TEX15: variants seen among roughly 807,000 people sequenced by gnomAD.
The protein encoded by TEX15 is testis-expressed protein 15.
TEX15 carries 171 observed loss-of-function variants against 237.3 expected under a neutral mutation model. The observed-to-expected ratio is 0.72, with a 90% CI of 0.64 to 0.82. TEX15 has a LOEUF of 0.82. TEX15 is among the 40% of genes least tolerant of loss of function. The pLI, the probability that TEX15 is intolerant of heterozygous loss-of-function variation, is 0.00. For synonymous variants in TEX15, 1,338 were observed against 1,269.8 expected (o/e 1.05, Z -1.14); for missense variants, 3,750 against 3,646.5 (o/e 1.03, Z -0.73).
At position 30,843,232 on chromosome 8, in the gene TEX15, T is replaced by C; in HGVS notation, c.6935A>G (p.Gln2312Arg). The C allele has an allele frequency of 1.9e-6, 3 of 1,613,410 alleles. No homozygotes were observed. The highest frequency in any genetic ancestry group is 2.5e-6 in the Non-Finnish European group (3 of 1,179,648). Residue 2312 changes from glutamine (Q) to arginine (R), a missense_variant, in exon 8 of 11, where the codon CAG (glutamine) becomes CGG (arginine). Coordinates refer to ENST00000643185, the MANE Select transcript of TEX15 (RefSeq NM_001350162.2). ...RVNKCAFSKL[Q>R]KIYDTLSKDL... ...TTTAGACAAAGTATCATATATCTTCTGCAACTTAGAAAAGGCACATTTATT... is the reference window on the plus strand; with the variant it reads ...TTTAGACAAAGTATCATATATCTTCCGCAACTTAGAAAAGGCACATTTATT...
intron 1 of TEX15, among the ~76,000 whole-genome samples, chr8:30,910,359 AT>A (rs1244433384): frequency 1.3e-5 from 2 of 152,142 alleles, no homozygotes. Flanking sequence ...TAGGATTAAA[AT>A]TTCAAAAAGT....
At position 30,847,328 on chromosome 8, in the gene TEX15, TA is replaced by T; in HGVS notation, c.2838del (p.Ser947ValfsTer3). 1 of 1,613,946 alleles carries T rather than the reference TA, an allele frequency of 6.2e-7. No homozygotes were observed. The highest frequency in any genetic ancestry group is 1.1e-5 in the South Asian group (1 of 91,082). ...TALLESEEDT[I>X]SAVKQKDTEN... is the part of the protein sequence containing the mutation. ...TCAGTATCTTTTTGTTTCACGGCAC[TA>T]ATGGTATCTTCTTCACTCTCTAATA... On this transcript the variant is annotated frameshift_variant, in exon 8 of 11. Coordinates refer to ENST00000643185, the MANE Select transcript of TEX15 (RefSeq NM_001350162.2). LOFTEE classifies it high-confidence loss of function.
chr8:30,898,107 A>G (rs75087939), intron 2 of TEX15, among the ~76,000 whole-genome samples: 1,976 of 152,314 alleles, frequency 0.013, 47 homozygotes, highest in African/African-American at 0.045. Flanking sequence ...ATTAAGGTCA[A>G]TTATGTACGG....
chr8:30,860,965 A>G (rs779875852), intron 5 of TEX15, among the ~76,000 whole-genome samples: 3 of 152,124 alleles, frequency 2.0e-5, no homozygotes, highest in Non-Finnish European at 4.4e-5. Flanking sequence ...ATGATGGAAC[A>G]GGACAAGTGA....
At chr8:30,839,098 G>A (rs1585279037) in intron 9 of TEX15, among the ~76,000 whole-genome samples, 1 of 152,034 alleles carries the variant, frequency 6.6e-6, no homozygotes, top group Non-Finnish European at 1.5e-5. Flanking sequence ...TTACAGGCAT[G>A]AGCCACCACA....
In TEX15 at chr8:30,843,206, C is replaced by A. The variant is rs746350102; in HGVS notation, c.6961G>T (p.Asp2321Tyr). 16 of 1,613,266 alleles carry A rather than the reference C, an allele frequency of 9.9e-6. No individual in the cohort carries two copies. Among genetic ancestry groups the A allele is most frequent in the Non-Finnish European group, 1.4e-5 (16 of 1,179,598 alleles). Reference protein sequence around the residue: ...LQKIYDTLSKDLNNEPISPIG... With the variant: ...LQKIYDTLSKYLNNEPISPIG... ...GGGGAAATTGGTTCATTGTTTAAATCTTTAGACAAAGTATCATATATCTTC... is the reference window on the plus strand; with the variant it reads ...GGGGAAATTGGTTCATTGTTTAAATATTTAGACAAAGTATCATATATCTTC... The change falls in exon 8 of 11, where the codon GAT (aspartate) becomes TAT (tyrosine). Residue 2321 changes from aspartate to tyrosine, a missense_variant. Physicochemically the swap from Asp to Tyr is radical, Grantham distance 160 (BLOSUM62 -3). Coordinates refer to ENST00000643185, the MANE Select transcript of TEX15 (RefSeq NM_001350162.2).
chr8:30,841,824 TTATG>T (rs1388991778), intron 8 of TEX15, among the ~76,000 whole-genome samples, 176 bp downstream of exon 8: 1 of 152,314 alleles, frequency 6.6e-6, no homozygotes, highest in East Asian at 1.9e-4. Flanking sequence ...TACATATAAT[TTATG>T]TATCATTTTA....
chr8:30,902,223 C>CCT (rs1483717558), intron 1 of TEX15, among the ~76,000 whole-genome samples: 1 of 149,790 alleles, frequency 6.7e-6, no homozygotes, highest in Non-Finnish European at 1.5e-5. Flanking sequence ...TCCTTTTCCT[C>CCT]CTTTTTTTTT....
At chr8:30,858,573 C>T in intron 7 of TEX15, 95 bp downstream of exon 7, 1 of 1,102,092 alleles carries the variant, frequency 9.1e-7, no homozygotes, top group Admixed American at 2.9e-5. Context: ...GCTAGGATTA[C>T]AGGTGTGAAC....
intron 2 of TEX15, among the ~76,000 whole-genome samples, chr8:30,889,890 AAT>A (rs1470863705): frequency 7.1e-6 from 1 of 139,974 alleles, no homozygotes; most frequent in Non-Finnish European, 1.5e-5. Context: ...TATCATATGA[AAT>A]AGTCCTACAA....
At chr8:30,897,306 T>C (rs1047713337) in intron 2 of TEX15, among the ~76,000 whole-genome samples, 1 of 152,216 alleles carries the variant, frequency 6.6e-6, no homozygotes, top group Non-Finnish European at 1.5e-5. Flanking sequence ...TTTCAGGCTC[T>C]ATCTACATTT....
At chr8:30,883,290 A>T (rs534505969) in intron 3 of TEX15, among the ~76,000 whole-genome samples, 1 of 152,056 alleles carries the variant, frequency 6.6e-6, no homozygotes, top group South Asian at 2.1e-4. Flanking sequence ...AATTTAACCA[A>T]CTCTCATCCT....
At chr8:30,904,380 G>A (rs1809057989) in intron 1 of TEX15, among the ~76,000 whole-genome samples, 1 of 151,596 alleles carries the variant, frequency 6.6e-6, no homozygotes, top group Non-Finnish European at 1.5e-5. Flanking sequence ...CCAGGAGATG[G>A]AGGTTGCAGT....
rs140197848 is a variant in TEX15, at chr8:30,842,042, G to A, written c.8125C>T (p.Gln2709Ter). The change falls in exon 8 of 11, where the codon CAG becomes TAG. Residue 2709 changes from glutamine to a stop codon, truncating the protein, a stop_gained. Transcript: ENST00000643185. LOFTEE classifies it high-confidence loss of function. ...CAACTGGAAACAGTAGTATCTTGCT[G>A]TTGTTCCTGAGAGTCTTCACATTTG... ...VDKCEDSQEQ[Q>*]QDTTVSSCKK... 33 of 1,605,912 alleles carry A rather than the reference G, an allele frequency of 2.1e-5. No individual in the cohort carries two copies. The highest frequency in any genetic ancestry group is 2.7e-5 in the Non-Finnish European group (32 of 1,178,058).
intron 10 of TEX15, among the ~76,000 whole-genome samples, chr8:30,834,014 A>G (rs1807238572): frequency 1.3e-5 from 2 of 152,138 alleles, no homozygotes; most frequent in South Asian, 4.2e-4. Context: ...AACAATTACA[A>G]TCAAGATTTC....
intron 5 of TEX15, among the ~76,000 whole-genome samples, chr8:30,865,671 T>TCA (rs1366640960): frequency 1.3e-5 from 2 of 152,122 alleles, no homozygotes; most frequent in African/African-American, 4.8e-5. Context: ...ACGTGATAGA[T>TCA]CACATCAAGA....
intron 3 of TEX15, among the ~76,000 whole-genome samples, chr8:30,885,863 T>C (rs552059731): frequency 6.6e-6 from 1 of 152,352 alleles, no homozygotes; most frequent in East Asian, 1.9e-4. Flanking sequence ...CTATTAGTTT[T>C]TGCCTGAGTT....
At chr8:30,839,679 A>G (rs1807397004) in intron 9 of TEX15, among the ~76,000 whole-genome samples, 2 of 152,216 alleles carry the variant, frequency 1.3e-5, no homozygotes, top group Admixed American at 1.3e-4. Flanking sequence ...CAAATTTCAC[A>G]TGACTTTAGC....
At chr8:30,897,599 C>T (rs1346861546) in intron 2 of TEX15, among the ~76,000 whole-genome samples, 1 of 152,086 alleles carries the variant, frequency 6.6e-6, no homozygotes, top group African/African-American at 2.4e-5. Flanking sequence ...ATGTGGGTAA[C>T]CAAATGTGAC....
Sources: allele counts gnomAD v4.1 joint callset (sites outside exome capture counted in the v4.1 genomes callset), GRCh38; gene constraint gnomAD v4.1.1; transcripts MANE v1.5; gene names NCBI Gene and HGNC (gene_info 2026-07-23, HGNC 2026-07-21).